The following ARMC2 variants were observed in gnomAD, a reference collection of about 807,000 sequenced individuals.
The protein encoded by ARMC2 is armadillo repeat-containing protein 2.
In ARMC2, 67 loss-of-function variants were observed where a neutral mutation model predicts 90.3. The observed-to-expected ratio is 0.74, with a 90% CI of 0.61 to 0.91. The LOEUF is 0.91. Among genes scored for constraint, ARMC2 ranks in the 40% least tolerant of loss-of-function variants. ARMC2 has a pLI of 0.00. For synonymous variants in ARMC2, 393 were observed against 393.0 expected (o/e 1.00, Z 0.00); for missense variants, 920 against 1,030.9 (o/e 0.89, Z 1.47).
chr6:108,979,726 C>CT, the ARMC2 span, among the ~76,000 whole-genome samples: 1 of 151,716 alleles, frequency 6.6e-6, no homozygotes, highest in Non-Finnish European at 1.5e-5. Context: ...TGTTTTCTTG[C>CT]TTTATTTCAT....
the ARMC2 span, among the ~76,000 whole-genome samples, chr6:109,003,838 A>G: frequency 6.6e-6 from 1 of 152,204 alleles, no homozygotes; most frequent in African/African-American, 2.4e-5. Context: ...TTCTCATCCA[A>G]TTACATACAT....
chr6:108,987,724 T>G, the ARMC2 span: 1 of 664,230 alleles, frequency 1.5e-6, no homozygotes, highest in South Asian at 1.8e-5. Flanking sequence ...ATAAGTACAC[T>G]TCCTACACTT....
At chr6:108,906,263 G>A (rs1430747401) in intron 8 of ARMC2, among the ~76,000 whole-genome samples, 1 of 151,974 alleles carries the variant, frequency 6.6e-6, no homozygotes, top group Non-Finnish European at 1.5e-5. Context: ...ACTATATTTA[G>A]GAGGGAAAAA....
chr6:108,949,453 G>A (rs2768551), intron 12 of ARMC2, among the ~76,000 whole-genome samples: 27,996 of 152,190 alleles, frequency 0.18, 2,732 homozygotes, highest in East Asian at 0.28. Context: ...TGCTGTTATT[G>A]TTATTAATTA....
intron 8 of ARMC2, among the ~76,000 whole-genome samples, chr6:108,910,631 T>C (rs1236332901): frequency 6.6e-6 from 1 of 152,228 alleles, no homozygotes; most frequent in Non-Finnish European, 1.5e-5. Context: ...TGCACTCCTA[T>C]GTTTATTCCA....
At chr6:109,023,973 T>TCA in the ARMC2 span, among the ~76,000 whole-genome samples, 10 of 151,782 alleles carry the variant, frequency 6.6e-5, no homozygotes, top group African/African-American at 1.9e-4. Flanking sequence ...AATTCAATGA[T>TCA]CACACACACA....
At position 108,891,674 on chromosome 6, in the gene ARMC2, C is replaced by A. The variant is rs796672362; in HGVS notation, c.672-2793C>A. On this transcript the variant is annotated intron_variant, in intron 5 of 17. Coordinates refer to ENST00000392644, the MANE Select transcript of ARMC2 (RefSeq NM_032131.6). ...CTTTGTCAGATGGATAGACTGCAAA[C>A]ATTTTCTCCTATTCTGTAGGTTGCT... Among the ~76,000 whole-genome samples, 7 of 152,180 alleles carry A rather than the reference C, an allele frequency of 4.6e-5. No homozygotes were observed. In the East Asian group the frequency reaches 9.7e-4, roughly 21 times the overall value.
At chr6:108,935,808 T>C (rs990560884) in intron 11 of ARMC2, among the ~76,000 whole-genome samples, 2 of 152,202 alleles carry the variant, frequency 1.3e-5, no homozygotes, top group Non-Finnish European at 2.9e-5. Context: ...TTTGTAATTT[T>C]CATGTTTCTT....
intron 13 of ARMC2, among the ~76,000 whole-genome samples, chr6:108,956,946 C>G (rs573707458): frequency 6.6e-6 from 1 of 152,202 alleles, no homozygotes; most frequent in Admixed American, 6.5e-5. Context: ...GAGCCAAGAT[C>G]GTACTGTTGC....
the ARMC2 span, among the ~76,000 whole-genome samples, chr6:109,015,678 AG>A: frequency 6.6e-6 from 1 of 152,138 alleles, no homozygotes; most frequent in African/African-American, 2.4e-5. Context: ...GGTGAATGTG[AG>A]GGGGAAATGG....
chr6:109,001,605 AAG>A, the ARMC2 span: 2 of 880,296 alleles, frequency 2.3e-6, no homozygotes, highest in African/African-American at 1.7e-5. Context: ...TGGCTTAAGA[AAG>A]AGGGGTTACA....
Position 108,873,045 on chromosome 6 carries a change from A to G in ARMC2, c.464-3098A>G, listed in dbSNP as rs567852661. 3.9e-5 allele frequency among the ~76,000 whole-genome samples: 6 copies of G among 152,278 alleles called. No individual in the cohort carries two copies. In the South Asian group the frequency reaches 6.2e-4, roughly 16 times the overall value. ...AACACAATTTGGGAAACACTAGCCTACTGTAGAAGTTGGCAAACTTTTTCT... is the reference window on the plus strand; with the variant it reads ...AACACAATTTGGGAAACACTAGCCTGCTGTAGAAGTTGGCAAACTTTTTCT... On this transcript the variant is annotated intron_variant, in intron 4 of 17. Coordinates refer to ENST00000392644, the MANE Select transcript of ARMC2 (RefSeq NM_032131.6).
At chr6:108,926,698 C>T (rs1775131575) in intron 10 of ARMC2, among the ~76,000 whole-genome samples, 1 of 151,894 alleles carries the variant, frequency 6.6e-6, no homozygotes, top group Non-Finnish European at 1.5e-5. Flanking sequence ...GAACTCCAGC[C>T]TGGATGACAA....
At chr6:108,949,644 G>A (rs1777041230) in intron 12 of ARMC2, among the ~76,000 whole-genome samples, 2 of 152,212 alleles carry the variant, frequency 1.3e-5, no homozygotes, top group Non-Finnish European at 2.9e-5. Context: ...CTGCTACTCT[G>A]TTGGGTCTGA....
the ARMC2 span, among the ~76,000 whole-genome samples, chr6:109,003,295 C>T: frequency 1.3e-5 from 2 of 149,708 alleles, no homozygotes; most frequent in Non-Finnish European, 3.0e-5. Flanking sequence ...TCATATAATT[C>T]TACTCTCTCC....
the ARMC2 span, chr6:109,000,579 T>A: frequency 3.1e-6 from 5 of 1,612,696 alleles, no homozygotes; most frequent in East Asian, 1.1e-4. Flanking sequence ...AGGAGCATTC[T>A]CTAAACCATT....
intron 5 of ARMC2, among the ~76,000 whole-genome samples, chr6:108,892,734 G>A (rs1771202578): frequency 6.7e-6 from 1 of 149,894 alleles, no homozygotes; most frequent in African/African-American, 2.5e-5. Flanking sequence ...ACTCCAGCCT[G>A]GGCAACAAGA....
chr6:108,870,593 AAAGG>A lies in ARMC2; in HGVS notation c.463+1601_463+1604del, dbSNP rs142297048. Among the ~76,000 whole-genome samples, 809 of 152,072 alleles carry A rather than the reference AAAGG, an allele frequency of 5.3e-3. 6 individuals carry two copies. Among genetic ancestry groups the A allele is most frequent in the African/African-American group, 0.019 (770 of 41,496 alleles). On this transcript the variant is annotated intron_variant, in intron 4 of 17. Coordinates refer to ENST00000392644, the MANE Select transcript of ARMC2 (RefSeq NM_032131.6). ...AGAGGGAAGGAGGAAAGGAAAGAAA[AAAGG>A]AAAGAAGGAAAGAAAAAGAAGAGAG... is the stretch of plus-strand genomic sequence containing the variant.
At chr6:108,868,764 G>C in intron 3 of ARMC2, 60 bp from the exon 4 acceptor site, 2 of 1,531,308 alleles carry the variant, frequency 1.3e-6, no homozygotes, top group Middle Eastern at 1.7e-4. Flanking sequence ...CCAGCTCTGA[G>C]GTAAGTGTTA....
Sources: gnomAD v4.1 joint callset for allele counts (sites outside exome capture counted in the v4.1 genomes callset) on GRCh38, gnomAD v4.1.1 for gene constraint, MANE v1.5 for transcripts, NCBI Gene and HGNC (gene_info 2026-07-23, HGNC 2026-07-21) for gene names.